Variants in CLDN16 observed in about 807,000 individuals in gnomAD.
CLDN16 encodes the protein claudin 16.
CLDN16 carries 13 observed loss-of-function variants against 24.6 expected under a neutral mutation model. The observed-to-expected ratio is 0.53, with a 90% CI of 0.34 to 0.84. The LOEUF (loss-of-function observed/expected upper bound fraction) is 0.84. Ranked by LOEUF, CLDN16 falls within the 40% of genes least tolerant of loss-of-function variation. The probability of loss-of-function intolerance (pLI) is 0.01; values close to 1 mark genes in which losing one functional copy is unlikely to be tolerated. For synonymous variants in CLDN16, 116 were observed against 106.7 expected (o/e 1.09, Z -0.54); for missense variants, 298 against 292.7 (o/e 1.02, Z -0.13).
chr3:190,371,473 A>T (rs1032739839), intron 2 of CLDN16, among the ~76,000 whole-genome samples: 1 of 151,960 alleles, frequency 6.6e-6, no homozygotes, highest in Admixed American at 6.6e-5. Context: ...TTAAGAAGGA[A>T]CTTAATAAGT....
At chr3:190,305,487 A>G in the CLDN16 span, among the ~76,000 whole-genome samples, 2 of 152,284 alleles carry the variant, frequency 1.3e-5, no homozygotes, top group East Asian at 3.9e-4. Context: ...GTATTAAGTA[A>G]CATCTCCTGG....
intron 1 of CLDN16, among the ~76,000 whole-genome samples, chr3:190,400,324 C>G (rs571767886): frequency 6.6e-6 from 1 of 151,994 alleles, no homozygotes; most frequent in East Asian, 1.9e-4. Flanking sequence ...CTGCAACATC[C>G]GACTCAGTGG....
intron 1 of CLDN16, among the ~76,000 whole-genome samples, chr3:190,324,258 G>A (rs947652290): frequency 1.3e-5 from 2 of 152,162 alleles, no homozygotes; most frequent in Non-Finnish European, 2.9e-5. Context: ...TGAGGCAGGC[G>A]GATCACTTGA....
intron 2 of CLDN16, among the ~76,000 whole-genome samples, chr3:190,373,924 C>G (rs1193981081): frequency 6.6e-6 from 1 of 151,600 alleles, no homozygotes; most frequent in East Asian, 1.9e-4. Context: ...ATTTCCCTTG[C>G]AAGTAAAAGA....
At chr3:190,401,262 A>C (rs1039217810) in intron 1 of CLDN16, among the ~76,000 whole-genome samples, 3 of 29,426 alleles carry the variant, frequency 1.0e-4, no homozygotes, top group African/African-American at 4.2e-4. Flanking sequence ...TTATTTTCCA[A>C]AGCAAAGTGT....
Position 190,404,813 on chromosome 3 carries a change from G to C in CLDN16, c.269G>C (p.Gly90Ala). 1 of 1,614,094 alleles carries C rather than the reference G, an allele frequency of 6.2e-7. No homozygotes were observed. Residue 90 changes from glycine to alanine, a missense_variant, in exon 3 of 5, where the codon GGG (glycine) becomes GCG (alanine). Transcript: ENST00000264734. Reference protein sequence around the residue: ...ALMITADILAGFGFLTLLLGL... With the variant: ...ALMITADILAAFGFLTLLLGL... Reference sequence around the variant, plus strand: ...ATGATTACTGCAGATATTCTAGCTGGGTTTGGATTTCTCACCCTGCTCCTT... The same window carrying C: ...ATGATTACTGCAGATATTCTAGCTGCGTTTGGATTTCTCACCCTGCTCCTT...
chr3:190,320,014 T>A (rs1716875568), upstream of CLDN16, among the ~76,000 whole-genome samples: 1 of 152,086 alleles, frequency 6.6e-6, no homozygotes, highest in Non-Finnish European at 1.5e-5. Flanking sequence ...TTAAGTAAAA[T>A]AAAAGTGGAT....
chr3:190,301,333 A>G, the CLDN16 span, among the ~76,000 whole-genome samples: 3 of 152,212 alleles, frequency 2.0e-5, no homozygotes, highest in Admixed American at 1.3e-4. Flanking sequence ...AGTCTCTGCC[A>G]AAAATACAAA....
At chr3:190,396,691 A>G (rs570629018) in intron 1 of CLDN16, among the ~76,000 whole-genome samples, 1 of 152,294 alleles carries the variant, frequency 6.6e-6, no homozygotes, top group Admixed American at 6.5e-5. Flanking sequence ...TGCACATACA[A>G]AAGATAATGC....
chr3:190,302,727 T>C, the CLDN16 span, among the ~76,000 whole-genome samples: 1 of 150,204 alleles, frequency 6.7e-6, no homozygotes, highest in Non-Finnish European at 1.5e-5. Context: ...AATGAGATCA[T>C]GTCACTGGAA....
At chr3:190,310,309 A>G in the CLDN16 span, 1 of 1,372,366 alleles carries the variant, frequency 7.3e-7, no homozygotes, top group Non-Finnish European at 1.0e-6. Flanking sequence ...GAGCCTAAAT[A>G]CACAACCTGT....
At chr3:190,371,572 C>G (rs1410487198) in intron 2 of CLDN16, among the ~76,000 whole-genome samples, 1 of 151,894 alleles carries the variant, frequency 6.6e-6, no homozygotes, top group Admixed American at 6.6e-5. Flanking sequence ...AATTACATTC[C>G]CAGCCTGTTC....
At position 190,352,154 on chromosome 3, in the gene CLDN16, TA is replaced by T. The variant is rs146174032; in HGVS notation, n.122-18732del. ...GCAATTGAAAAAGTTTTTTTTTTTT[TA>T]AAAAAAGACAAATAAATTAGTAAAA... is the stretch of plus-strand genomic sequence containing the variant. On this transcript the variant is annotated intron_variant and non_coding_transcript_variant, in intron 1 of 4. Coordinates refer to the CLDN16 transcript ENST00000468220. Among the ~76,000 whole-genome samples the T allele has an allele frequency of 1.3e-3, 191 of 151,068 alleles. 1 individual carries two copies. The highest frequency in any genetic ancestry group is 3.5e-3 in the Middle Eastern group (1 of 286).
chr3:190,392,059 C>CTTTTTTTTTTTTTTTTTTT lies in CLDN16; in HGVS notation c.114+3633_114+3634insTTTTTTTTTTTTTTTTTTT, dbSNP rs35220103. 3.7e-4 allele frequency among the ~76,000 whole-genome samples: 47 copies of CTTTTTTTTTTTTTTTTTTT among 126,072 alleles called. 3 individuals carry two copies. The highest frequency in any genetic ancestry group is 8.0e-4 in the African/African-American group (28 of 35,164). 82.7% of individuals were successfully genotyped at this position (126,072 alleles called of 152,430 possible). Reference sequence around the variant, plus strand: ...AGTTGTTTCTAAGGTCCTTTTCAGTCTTTTTTTTTTTTTTTTTAACATCAT... The same window carrying CTTTTTTTTTTTTTTTTTTT: ...AGTTGTTTCTAAGGTCCTTTTCAGTCTTTTTTTTTTTTTTTTTTTTTTTTTTTTTTTTTTTTAACATCAT... On this transcript the variant is annotated intron_variant, in intron 1 of 4. Coordinates refer to ENST00000264734, the MANE Select transcript of CLDN16 (RefSeq NM_006580.4).
At chr3:190,310,117 A>G in the CLDN16 span, 1 of 1,479,912 alleles carries the variant, frequency 6.8e-7, no homozygotes. Context: ...TGTAGAATAT[A>G]AAAAGGGCAT....
At chr3:190,354,074 A>G (rs1329121939) in intron 1 of CLDN16, among the ~76,000 whole-genome samples, 1 of 151,748 alleles carries the variant, frequency 6.6e-6, no homozygotes. Flanking sequence ...CATCACTCCA[A>G]TCTCTGTCGG....
At chr3:190,363,052 C>T (rs2108642515) in intron 1 of CLDN16, among the ~76,000 whole-genome samples, 1 of 151,970 alleles carries the variant, frequency 6.6e-6, no homozygotes, top group Admixed American at 6.6e-5. Flanking sequence ...GTATTTTTAT[C>T]TTCCAATTTC....
upstream of CLDN16, among the ~76,000 whole-genome samples, chr3:190,320,533 A>G (rs1162511195): frequency 1.3e-5 from 2 of 152,256 alleles, no homozygotes; most frequent in Admixed American, 6.5e-5. Context: ...AAGTCCTGAT[A>G]TGAGAACCTT....
intron 1 of CLDN16, among the ~76,000 whole-genome samples, chr3:190,335,060 T>C (rs1717270083): frequency 6.6e-6 from 1 of 151,538 alleles, no homozygotes; most frequent in Non-Finnish European, 1.5e-5. Context: ...TTGTTTGCTT[T>C]TGAGATGGAG....
Sources: allele counts gnomAD v4.1 joint callset (sites outside exome capture counted in the v4.1 genomes callset), GRCh38; gene constraint gnomAD v4.1.1; transcripts MANE v1.5; gene names NCBI Gene and HGNC (gene_info 2026-07-23, HGNC 2026-07-21).